LNX1: variants seen among roughly 807,000 people sequenced by gnomAD.
The protein encoded by LNX1 is E3 ubiquitin-protein ligase LNX.
In LNX1, 54 loss-of-function variants were observed where a neutral mutation model predicts 68.4. That is an observed-to-expected ratio of 0.79 (90% confidence interval 0.63 to 0.99). The LOEUF is 0.99. Among genes scored for constraint, LNX1 ranks in the 50% least tolerant of loss-of-function variants. The probability of loss-of-function intolerance (pLI) is 0.00; values close to 1 mark genes in which losing one functional copy is unlikely to be tolerated. For synonymous variants in LNX1, 336 were observed against 350.0 expected, an observed-to-expected ratio of 0.96 and a Z score of 0.45; for missense variants, 906 against 926.4, an observed-to-expected ratio of 0.98 and a Z score of 0.29.
At chr4:53,463,814 TAA>T (rs1352568490) in intron 9 of LNX1, among the ~76,000 whole-genome samples, 1 of 152,074 alleles carries the variant, frequency 6.6e-6, no homozygotes, top group Non-Finnish European at 1.5e-5. Context: ...CTCAAGAAGC[TAA>T]GTTTTTTTCT....
intron 1 of LNX1, among the ~76,000 whole-genome samples, chr4:53,627,415 G>C (rs1442420617): frequency 1.3e-5 from 2 of 152,142 alleles, no homozygotes; most frequent in African/African-American, 4.8e-5. Context: ...GAGCAATCTT[G>C]AAAGTTTAAT....
intron 9 of LNX1, among the ~76,000 whole-genome samples, chr4:53,466,330 T>G (rs1168215456): frequency 6.6e-6 from 1 of 152,202 alleles, no homozygotes; most frequent in African/African-American, 2.4e-5. Context: ...TGATTAAAAT[T>G]TAAATGATCG....
intron 2 of LNX1, chr4:53,603,493 T>G (rs1344791956): frequency 6.6e-6 from 1 of 152,216 alleles, no homozygotes; most frequent in East Asian, 1.9e-4. Flanking sequence ...TATCTGTGAC[T>G]GCTTAATTAA....
intron 6 of LNX1, among the ~76,000 whole-genome samples, chr4:53,489,071 A>G (rs1406245217): frequency 1.3e-5 from 2 of 152,194 alleles, no homozygotes; most frequent in Non-Finnish European, 2.9e-5. Flanking sequence ...TCTGGTCTGT[A>G]TTAATTTGTT....
intron 2 of LNX1, among the ~76,000 whole-genome samples, chr4:53,554,250 TC>T (rs1729725909): frequency 6.6e-6 from 1 of 152,200 alleles, no homozygotes. Flanking sequence ...TATATGTAAG[TC>T]CCCAGTAAAA....
intron 2 of LNX1, among the ~76,000 whole-genome samples, chr4:53,564,772 G>A (rs1265355468): frequency 6.6e-6 from 1 of 152,106 alleles, no homozygotes; most frequent in Non-Finnish European, 1.5e-5. Context: ...AGTGGGCGCA[G>A]GTCAGTGGGT....
intron 1 of LNX1, among the ~76,000 whole-genome samples, chr4:53,574,460 C>A (rs200622106): frequency 6.0e-5 from 9 of 150,038 alleles, no homozygotes; most frequent in Admixed American, 4.7e-4. Context: ...AAAAAAAAAA[C>A]AAAAAACAGT....
chr4:53,474,480 T>C (rs1326922888), intron 9 of LNX1, among the ~76,000 whole-genome samples: 13 of 152,192 alleles, frequency 8.5e-5, no homozygotes, highest in Admixed American at 8.5e-4. Flanking sequence ...TATCAGGCCC[T>C]TTTTAGAAAA....
intron 1 of LNX1, among the ~76,000 whole-genome samples, chr4:53,587,404 CCAAA>C (rs1446630409): frequency 1.3e-5 from 2 of 152,176 alleles, no homozygotes; most frequent in African/African-American, 4.8e-5. Flanking sequence ...AGTCTTCCTT[CCAAA>C]CAGTTTTGAA....
At chr4:53,507,805 A>C (rs577588077) in intron 3 of LNX1, among the ~76,000 whole-genome samples, 181 bp downstream of exon 3, 1 of 152,246 alleles carries the variant, frequency 6.6e-6, no homozygotes, top group African/African-American at 2.4e-5. Context: ...ACACAGTTTT[A>C]ATGATTGGAG....
In LNX1 at chr4:53,576,493, C is replaced by T. The variant is rs1208692271; in HGVS notation, c.-86-2405G>A. The T allele has an allele frequency of 6.4e-6, 8 of 1,249,592 alleles. No individual in the cohort carries two copies. The East Asian group carries it at 1.4e-4, about 22-fold the overall frequency. The allele number at this position is 1,249,592 out of a possible 1,614,324, so 77.4% of individuals were successfully genotyped here. On this transcript the variant is annotated intron_variant, in intron 1 of 10. Transcript: ENST00000263925. ...GGACAGCCCTGCCCTTCCCATGAGG[C>T]AGGCTCTTCATCCAGGTGCTTTTGT... is the stretch of plus-strand genomic sequence containing the variant.
intron 5 of LNX1, among the ~76,000 whole-genome samples, chr4:53,497,753 T>TG (rs145462345): frequency 6.6e-6 from 1 of 152,358 alleles, no homozygotes; most frequent in East Asian, 1.9e-4. Context: ...CCGAGGGCCC[T>TG]GTCTTATGCT....
chr4:53,624,951 G>C (rs1207001342), intron 1 of LNX1, among the ~76,000 whole-genome samples: 1 of 152,140 alleles, frequency 6.6e-6, no homozygotes, highest in Non-Finnish European at 1.5e-5. Flanking sequence ...TTAAGGAAAT[G>C]CTCAACATTG....
intron 1 of LNX1, among the ~76,000 whole-genome samples, chr4:53,577,168 A>T (rs1186736678): frequency 6.6e-6 from 1 of 152,224 alleles, no homozygotes; most frequent in Admixed American, 6.5e-5. Flanking sequence ...ACTTTAAGTG[A>T]CATCAGAAAC....
chr4:53,600,067 T>C lies in LNX1; in HGVS notation c.-214-8552A>G, dbSNP rs1203080111. ...AAAGGCCCCTCTCCCCAATACCATA[T>C]GCTTTTTAAGTGTTGTATTATTTAA... is the stretch of plus-strand genomic sequence containing the variant. On this transcript the variant is annotated intron_variant, in intron 2 of 3. Transcript: ENST00000504299. Among the ~76,000 whole-genome samples, 4 of 152,318 alleles carry C rather than the reference T, an allele frequency of 2.6e-5. No individual in the cohort carries two copies. In the East Asian group the frequency reaches 7.7e-4, roughly 29 times the overall value.
At chr4:53,565,814 G>C (rs1222726797) in intron 2 of LNX1, among the ~76,000 whole-genome samples, 25 of 151,406 alleles carry the variant, frequency 1.7e-4, no homozygotes, top group Admixed American at 1.1e-3. Flanking sequence ...GGAGCTGATG[G>C]AGCTGAAAAC....
intron 2 of LNX1, among the ~76,000 whole-genome samples, chr4:53,566,859 A>G (rs1477936990): frequency 6.6e-6 from 1 of 151,672 alleles, no homozygotes; most frequent in Non-Finnish European, 1.5e-5. Context: ...CTAGTCTCTG[A>G]TAAAACAGAC....
At chr4:53,571,184 T>C (rs1577734313) in intron 2 of LNX1, among the ~76,000 whole-genome samples, 4 of 152,004 alleles carry the variant, frequency 2.6e-5, no homozygotes, top group Admixed American at 2.0e-4. Flanking sequence ...CATGCCCAGC[T>C]AATTTTTATA....
At chr4:53,625,319 A>G (rs1734031133) in intron 1 of LNX1, among the ~76,000 whole-genome samples, 1 of 152,226 alleles carries the variant, frequency 6.6e-6, no homozygotes, top group African/African-American at 2.4e-5. Context: ...GCAAATCAAT[A>G]TCAGATGAGG....
Sources: allele counts gnomAD v4.1 joint callset (sites outside exome capture counted in the v4.1 genomes callset), GRCh38; gene constraint gnomAD v4.1.1; transcripts MANE v1.5; gene names NCBI Gene and HGNC (gene_info 2026-07-23, HGNC 2026-07-21).